Variants in HECTD4 observed in about 807,000 individuals in gnomAD.
The protein encoded by HECTD4 is probable E3 ubiquitin-protein ligase HECTD4.
A neutral mutation model predicts 471.5 loss-of-function variants in HECTD4; 114 were observed. The ratio of observed to expected loss-of-function variants is 0.24; its 90% CI spans 0.21 to 0.28. The LOEUF is 0.28. Ranked by LOEUF, HECTD4 falls within the 10% of genes least tolerant of loss-of-function variation. HECTD4 has a pLI of 1.00. For missense variants in HECTD4, 3,866 were observed against 5,651.5 expected (o/e 0.68, Z 10.13); for synonymous variants, 2,012 against 2,256.0 (o/e 0.89, Z 3.07).
chr12:112,166,845 CA>C lies in HECTD4; in HGVS notation c.12534+471del, dbSNP rs1278412603. 2.0e-5 allele frequency: 3 copies of C among 153,202 alleles called. No homozygotes were observed. Among genetic ancestry groups the C allele is most frequent in the Non-Finnish European group, 4.4e-5 (3 of 68,792 alleles). The allele number at this position is 153,202 out of a possible 1,614,324, so 9.5% of individuals were successfully genotyped here. A position where few individuals can be genotyped will look rare whatever the true frequency, so the allele number is the denominator to read the frequency against. On this transcript the variant is annotated intron_variant, in intron 72 of 75. Coordinates refer to ENST00000682272, the MANE Select transcript of HECTD4 (RefSeq NM_001388303.1). This position sits in a 1 kb window ranked among gnomAD's most constrained non-coding sequence, Gnocchi z 4.6. ...CTCCCTCCAGGGGGGCACTGGGCAA[CA>C]GCACCATGCTGTCAACATCTGTGCG... is the stretch of plus-strand genomic sequence containing the variant.
intron 32 of HECTD4, 79 bp from the exon 33 acceptor site, chr12:112,240,106 A>T: frequency 7.1e-7 from 1 of 1,408,004 alleles, no homozygotes; most frequent in Admixed American, 1.9e-5. Flanking sequence ...CTCTTGAGAA[A>T]CTCTAGAGTA....
In HECTD4 at chr12:112,164,196, G is replaced by A. The variant is rs909362207; in HGVS notation, c.12614C>T (p.Pro4205Leu). The A allele has an allele frequency of 6.2e-7, 1 of 1,613,654 alleles. No homozygotes were observed. Among genetic ancestry groups the A allele is most frequent in the African/African-American group, 1.3e-5 (1 of 74,938 alleles). ...QHLATESPDS[P>L]NKPCCRFTYL... ...GGTGAACCTGCAGCAGGGCTTGTTG[G>A]GGCTGTCAGGGCTCTCCGTGGCCAG... is the stretch of plus-strand genomic sequence containing the variant. The change falls in exon 73 of 76, where the codon CCC becomes CTC. Residue 4205 changes from proline (P) to leucine (L), a missense_variant. By Grantham distance (98) the Pro-to-Leu change is moderately conservative. This residue lies in a region of HECTD4 where 715 missense variants were observed against 1,087.6 expected (regional missense o/e 0.66). Coordinates refer to ENST00000682272, the MANE Select transcript of HECTD4 (RefSeq NM_001388303.1).
intron 22 of HECTD4, among the ~76,000 whole-genome samples, chr12:112,253,115 T>C (rs947412763): frequency 1.3e-5 from 2 of 151,842 alleles, no homozygotes; most frequent in African/African-American, 4.8e-5. Flanking sequence ...TGCTCGGCCT[T>C]GAGCATAATT....
Position 112,179,779 on chromosome 12 carries a change from C to T in HECTD4, c.10988-382G>A, listed in dbSNP as rs1011798157. 6.6e-6 allele frequency among the ~76,000 whole-genome samples: 1 copy of T among 152,200 alleles called. No individual in the cohort carries two copies. Among genetic ancestry groups the T allele is most frequent in the Admixed American group, 6.5e-5 (1 of 15,288 alleles). On this transcript the variant is annotated intron_variant, in intron 62 of 75. Transcript: ENST00000682272. This position sits in a 1 kb window ranked among gnomAD's most constrained non-coding sequence, Gnocchi z 4.3. ...ACTTCCACTGGACTTGAGCCATTGTCCTCCTGGGGCTATTTATCATAGCAG... is the reference window on the plus strand; with the variant it reads ...ACTTCCACTGGACTTGAGCCATTGTTCTCCTGGGGCTATTTATCATAGCAG...
chr12:112,291,026 T>C (rs2034873583), intron 7 of HECTD4, among the ~76,000 whole-genome samples: 1 of 152,114 alleles, frequency 6.6e-6, no homozygotes, highest in African/African-American at 2.4e-5. Context: ...TTAATTATCT[T>C]TCACCTGGTC....
intron 67 of HECTD4, 42 bp from the exon 68 acceptor site, chr12:112,171,305 G>T: frequency 6.4e-7 from 1 of 1,565,920 alleles, no homozygotes; most frequent in South Asian, 1.2e-5. Flanking sequence ...TCGGCCAGGT[G>T]GCTGAGATGC....
intron 60 of HECTD4, among the ~76,000 whole-genome samples, chr12:112,187,529 G>A (rs2031915814): frequency 6.9e-6 from 1 of 144,968 alleles, no homozygotes; most frequent in Non-Finnish European, 1.5e-5. Context: ...TGAGACACCA[G>A]GCCCGGCCTG....
chr12:112,226,875 A>C, intron 43 of HECTD4, 117 bp from the exon 44 acceptor site: 1 of 621,156 alleles, frequency 1.6e-6, no homozygotes, highest in South Asian at 2.4e-5. Flanking sequence ...AGGTTCAAAC[A>C]CCCCACTCAT....
At chr12:112,253,992 A>G in intron 22 of HECTD4, 51 bp downstream of exon 22, 3 of 1,599,586 alleles carry the variant, frequency 1.9e-6, no homozygotes, top group Non-Finnish European at 2.6e-6. Flanking sequence ...ACCTGTGAGG[A>G]CTGCAAGTTC....
chr12:112,190,940 G>C lies in HECTD4; in HGVS notation c.9318C>G (p.Val3106=). ...CCAGGGGCAGGGAATGTAACACCAG[G>C]ACTGCTCCAGGAGGTGGAGACACCC... The part of the protein sequence containing the change: ...KLGVSPPPGA[V]LVLHSLPLEF... Residue 3106 remains valine, a synonymous_variant, in exon 60 of 76, where the codon GTC becomes GTG. Coordinates refer to ENST00000682272, the MANE Select transcript of HECTD4 (RefSeq NM_001388303.1). The C allele has an allele frequency of 6.4e-7, 1 of 1,565,458 alleles. No individual in the cohort carries two copies. Among genetic ancestry groups the C allele is most frequent in the Non-Finnish European group, 8.7e-7 (1 of 1,155,282 alleles).
At chr12:112,290,542 A>C (rs1461135225) in intron 7 of HECTD4, among the ~76,000 whole-genome samples, 1 of 151,784 alleles carries the variant, frequency 6.6e-6, no homozygotes, top group Non-Finnish European at 1.5e-5. Context: ...TAATAATAAT[A>C]AATAAAATAT....
intron 6 of HECTD4, 151 bp downstream of exon 6, chr12:112,308,602 T>G (rs2035315415): frequency 5.5e-6 from 4 of 728,036 alleles, no homozygotes; most frequent in Non-Finnish European, 8.5e-6. Flanking sequence ...AGACATTAAA[T>G]AAAAAACAGA....
intron 44 of HECTD4, among the ~76,000 whole-genome samples, chr12:112,222,923 A>AGCTG (rs1328773186): frequency 3.3e-5 from 5 of 152,190 alleles, no homozygotes; most frequent in Non-Finnish European, 5.9e-5. Context: ...CAGAGTAAGG[A>AGCTG]ATGACTTTGG....
intron 44 of HECTD4, 155 bp downstream of exon 44, chr12:112,226,488 G>A: frequency 6.5e-6 from 3 of 459,782 alleles, no homozygotes; most frequent in Non-Finnish European, 1.2e-5. Context: ...TACATTTCTA[G>A]GTCTGTGATG....
chr12:112,236,770 G>A (rs544226405), intron 35 of HECTD4, among the ~76,000 whole-genome samples, 175 bp downstream of exon 35: 1 of 152,176 alleles, frequency 6.6e-6, no homozygotes, highest in South Asian at 2.1e-4. Context: ...TTATATTTTG[G>A]AACTAAATAC....
chr12:112,264,324 A>C, intron 16 of HECTD4, 112 bp from the exon 17 acceptor site: 1 of 1,072,416 alleles, frequency 9.3e-7, no homozygotes, highest in East Asian at 2.9e-5. Context: ...AGAAATAAAA[A>C]AAACAGACCA....
At chr12:112,323,622 G>A (rs1040493717) in intron 1 of HECTD4, among the ~76,000 whole-genome samples, 4 of 151,966 alleles carry the variant, frequency 2.6e-5, no homozygotes, top group African/African-American at 9.7e-5. Context: ...TGGTAATGGA[G>A]AATAGATCAA....
At chr12:112,344,595 T>C (rs969398673) in intron 1 of HECTD4, among the ~76,000 whole-genome samples, 2 of 152,152 alleles carry the variant, frequency 1.3e-5, no homozygotes, top group Non-Finnish European at 2.9e-5. Flanking sequence ...TCTTGAGTTT[T>C]TCCTATCACA....
At position 112,381,740 on chromosome 12, in the gene HECTD4, C is replaced by G. The variant is rs1253071659; in HGVS notation, c.177+212G>C. Among the ~76,000 whole-genome samples, 1 of 151,886 alleles carries G rather than the reference C, an allele frequency of 6.6e-6. No individual in the cohort carries two copies. The highest frequency in any genetic ancestry group is 6.6e-5 in the Admixed American group (1 of 15,264). On this transcript the variant is annotated intron_variant, in intron 1 of 75. Transcript: ENST00000682272. The surrounding 1 kb of genome is among the most constrained non-coding windows in gnomAD (Gnocchi z 4.1). ...AACCACAAATGAAATCCCCTGCGGG[C>G]GCCAGGCCCCGAGGAGGGAGGGAGG...
Sources: gnomAD v4.1 joint callset for allele counts (sites outside exome capture counted in the v4.1 genomes callset) on GRCh38, gnomAD v4.1.1 for gene constraint, gnomAD v4.1.1 regional missense constraint, Gnocchi (gnomAD v3.1) non-coding constraint, MANE v1.5 for transcripts, NCBI Gene and HGNC (gene_info 2026-07-23, HGNC 2026-07-21) for gene names.